FRY: variants seen among roughly 807,000 people sequenced by gnomAD.
FRY encodes the protein protein furry homolog.
A neutral mutation model predicts 348.4 loss-of-function variants in FRY; 128 were observed. The observed-to-expected ratio is 0.37, with a 90% confidence interval of 0.32 to 0.43. FRY has a LOEUF of 0.43. FRY is among the 20% of genes least tolerant of loss of function. The pLI, the probability that FRY is intolerant of heterozygous loss-of-function variation, is 1.00. For missense variants in FRY, 2,736 were observed against 3,695.2 expected, an observed-to-expected ratio of 0.74 and a Z score of 6.73; for synonymous variants, 1,370 against 1,374.7, an observed-to-expected ratio of 1.00 and a Z score of 0.08.
intron 1 of FRY, among the ~76,000 whole-genome samples, chr13:32,068,130 A>T (rs1874376488): frequency 6.6e-6 from 1 of 152,212 alleles, no homozygotes; most frequent in Admixed American, 6.5e-5. Flanking sequence ...ATTGTAAGTC[A>T]GCAGATGTTT....
At chr13:32,070,080 A>G (rs1159115228) in intron 1 of FRY, among the ~76,000 whole-genome samples, 1 of 152,140 alleles carries the variant, frequency 6.6e-6, no homozygotes, top group East Asian at 1.9e-4. Flanking sequence ...TCCATGGTGT[A>G]TATGTGCCAC....
chr13:32,034,249 C>A (rs370535324), intron 1 of FRY, among the ~76,000 whole-genome samples: 11 of 152,150 alleles, frequency 7.2e-5, no homozygotes, highest in Non-Finnish European at 1.5e-5. Flanking sequence ...ATTCCATAAG[C>A]GTTTCCAGGT....
intron 59 of FRY, among the ~76,000 whole-genome samples, chr13:32,292,518 G>T (rs944617201): frequency 1.3e-5 from 2 of 152,068 alleles, no homozygotes; most frequent in Non-Finnish European, 2.9e-5. Context: ...CTTTGGCAGG[G>T]TGCGGTGGCT....
At chr13:32,135,304 C>CA in intron 10 of FRY, 121 bp downstream of exon 10, 2 of 692,024 alleles carry the variant, frequency 2.9e-6, no homozygotes, top group Non-Finnish European at 5.1e-6. Context: ...AAAGCTCCCT[C>CA]AAAAAGAGGC....
rs2072087906 is a variant in FRY at position 32,297,772 on chromosome 13, A to C, written c.*2312A>C. On this transcript the variant is annotated 3_prime_UTR_variant, in exon 61 of 61. Coordinates refer to ENST00000542859, the MANE Select transcript of FRY (RefSeq NM_023037.3). ...GGCTATTGCTCTGTGCCTCTGTTACAGAAGCATTAATGTTAATTGCCTTCC... is the reference window on the plus strand; with the variant it reads ...GGCTATTGCTCTGTGCCTCTGTTACCGAAGCATTAATGTTAATTGCCTTCC... The C allele has an allele frequency of 6.6e-6, 1 of 152,222 alleles. No individual in the cohort carries two copies. The highest frequency in any genetic ancestry group is 1.5e-5 in the Non-Finnish European group (1 of 68,036). The allele number at this position is 152,222 out of a possible 1,614,324, so 9.4% of individuals were successfully genotyped here.
intron 1 of FRY, among the ~76,000 whole-genome samples, chr13:32,048,791 T>G (rs534644872): frequency 2.6e-5 from 4 of 152,170 alleles, no homozygotes; most frequent in Non-Finnish European, 5.9e-5. Flanking sequence ...AAAAAAAATC[T>G]GAATATAAAG....
intron 5 of FRY, 85 bp from the exon 6 acceptor site, chr13:32,124,517 A>T: frequency 6.8e-6 from 6 of 878,990 alleles, no homozygotes; most frequent in Non-Finnish European, 1.1e-5. Context: ...ATTGCTATTG[A>T]TTGTCATATA....
At chr13:32,189,620 A>G (rs9567393) in intron 28 of FRY, among the ~76,000 whole-genome samples, 6,978 of 152,102 alleles carry the variant, frequency 0.046, 366 homozygotes, top group East Asian at 0.29. Context: ...TGGCAAGTTC[A>G]ATCAAGAAAG....
intron 55 of FRY, among the ~76,000 whole-genome samples, chr13:32,271,882 T>C (rs1297165636): frequency 6.6e-6 from 1 of 152,166 alleles, no homozygotes; most frequent in Non-Finnish European, 1.5e-5. Context: ...TACTAAAAAT[T>C]AAAATGCAAA....
intron 5 of FRY, 104 bp from the exon 6 acceptor site, chr13:32,124,483 GGGTTATATGACTTAT>G: frequency 1.2e-6 from 1 of 863,322 alleles, no homozygotes; most frequent in Non-Finnish European, 1.9e-6. Context: ...TCCAAATACT[GGGTTATATGACTTAT>G]GTTTATTGAT....
chr13:32,097,260 T>C (rs1196046948), intron 2 of FRY, among the ~76,000 whole-genome samples: 7 of 152,154 alleles, frequency 4.6e-5, no homozygotes, highest in African/African-American at 1.7e-4. Flanking sequence ...TGCTGAGTTA[T>C]CATTTGTCTG....
chr13:32,062,118 A>G (rs1203300463), intron 1 of FRY, among the ~76,000 whole-genome samples: 1 of 152,032 alleles, frequency 6.6e-6, no homozygotes, highest in Non-Finnish European at 1.5e-5. Context: ...AAATCCTGTT[A>G]GTCATTATTT....
At chr13:32,223,700 C>T (rs1394011407) in intron 36 of FRY, among the ~76,000 whole-genome samples, 1 of 152,128 alleles carries the variant, frequency 6.6e-6, no homozygotes, top group Admixed American at 6.5e-5. Context: ...ACAGGAGGAT[C>T]TCTTGAGCCC....
intron 26 of FRY, among the ~76,000 whole-genome samples, chr13:32,185,508 A>G (rs188934784): frequency 9.2e-5 from 14 of 152,286 alleles, no homozygotes; most frequent in African/African-American, 3.4e-4. Context: ...TGAACAGGTA[A>G]TTTCAGCAAT....
rs2138565475 is a variant in FRY at position 32,267,302 on chromosome 13, T to C, written c.8079T>C (p.Cys2693=). The change falls in exon 55 of 61, where the codon TGT becomes TGC. Residue 2693 remains cysteine (C), a synonymous_variant. Transcript: ENST00000542859. ...GCAGCCACATCAACCAGCTTATGTG[T>C]GACTCAGATGGCTCCTGTGCTGTGT... ...AWRSHINQLM[C]DSDGSCAVYT... 1 of 1,614,194 alleles carries C rather than the reference T, an allele frequency of 6.2e-7. No homozygotes were observed. The highest frequency in any genetic ancestry group is 1.1e-5 in the South Asian group (1 of 91,088).
In FRY at chr13:32,274,996, G is replaced by A; in HGVS notation, c.8286+5G>A. 6.2e-7 allele frequency: 1 copy of A among 1,611,764 alleles called. No homozygotes were observed. Among genetic ancestry groups the A allele is most frequent in the Non-Finnish European group, 8.5e-7 (1 of 1,177,932 alleles). ...CTTTTTGTGGATGCCGAGACTGTGA[G>A]TATCCCAGTCCTGCTCTGACAGTGA... On this transcript the variant is annotated splice_donor_5th_base_variant and intron_variant, in intron 56 of 60. Transcript: ENST00000542859.
intron 8 of FRY, among the ~76,000 whole-genome samples, chr13:32,132,779 A>T (rs1371418819): frequency 6.6e-5 from 10 of 152,240 alleles, no homozygotes; most frequent in Non-Finnish European, 1.2e-4. Flanking sequence ...AAAAAGTGGA[A>T]ACAACCCAAA....
intron 26 of FRY, among the ~76,000 whole-genome samples, chr13:32,185,410 A>T (rs1349780338): frequency 6.6e-6 from 1 of 152,200 alleles, no homozygotes; most frequent in Non-Finnish European, 1.5e-5. Context: ...CTGAAAATGA[A>T]CTGATGTGAT....
At chr13:32,142,389 C>T (rs1696866153) in intron 11 of FRY, among the ~76,000 whole-genome samples, 1 of 152,154 alleles carries the variant, frequency 6.6e-6, no homozygotes, top group Non-Finnish European at 1.5e-5. Flanking sequence ...ATAAGTGCAG[C>T]ATTGATTAAA....
Sources: gnomAD v4.1 joint callset for allele counts (sites outside exome capture counted in the v4.1 genomes callset) on GRCh38, gnomAD v4.1.1 for gene constraint, MANE v1.5 for transcripts, NCBI Gene and HGNC (gene_info 2026-07-23, HGNC 2026-07-21) for gene names.